The following ESRRG variants were observed in gnomAD, a reference collection of about 807,000 sequenced individuals.
ESRRG encodes the protein estrogen-related receptor gamma.
ESRRG carries 13 observed loss-of-function variants against 44.0 expected under a neutral mutation model. The ratio of observed to expected loss-of-function variants is 0.30; its 90% CI spans 0.19 to 0.47. The LOEUF is 0.47. ESRRG is among the 20% of genes least tolerant of loss of function. The pLI is 1.00. For synonymous variants in ESRRG, 215 were observed against 214.6 expected, an observed-to-expected ratio of 1.00 and a Z score of -0.02; for missense variants, 395 against 580.6, an observed-to-expected ratio of 0.68 and a Z score of 3.29.
intron 1 of ESRRG, among the ~76,000 whole-genome samples, chr1:217,014,223 G>A (rs1212366121): frequency 6.6e-6 from 1 of 152,078 alleles, no homozygotes. Context: ...GGTGTTTTCT[G>A]AAGCTGGATG....
chr1:217,094,077 G>A (rs980447523), upstream of ESRRG, among the ~76,000 whole-genome samples: 1 of 151,638 alleles, frequency 6.6e-6, no homozygotes, highest in Admixed American at 6.6e-5. Flanking sequence ...TAGAGATGAG[G>A]CCTCGCTATG....
At chr1:216,846,821 C>A (rs896061019) in intron 2 of ESRRG, among the ~76,000 whole-genome samples, 8 of 151,912 alleles carry the variant, frequency 5.3e-5, no homozygotes, top group African/African-American at 1.9e-4. Context: ...AAAGCTGAAC[C>A]TGAATCTTCG....
At chr1:217,036,727 C>T (rs776605104) in intron 1 of ESRRG, among the ~76,000 whole-genome samples, 1 of 151,714 alleles carries the variant, frequency 6.6e-6, no homozygotes, top group Non-Finnish European at 1.5e-5. Context: ...AGACTTAATA[C>T]CTGGGTGATG....
At chr1:217,001,166 T>C (rs2150649221) in intron 1 of ESRRG, among the ~76,000 whole-genome samples, 1 of 152,340 alleles carries the variant, frequency 6.6e-6, no homozygotes, top group South Asian at 2.1e-4. Context: ...TATCAACCTG[T>C]CTACTATAAT....
chr1:216,954,725 T>G (rs2067626577), intron 1 of ESRRG, among the ~76,000 whole-genome samples: 1 of 152,156 alleles, frequency 6.6e-6, no homozygotes, highest in African/African-American at 2.4e-5. Flanking sequence ...TGGTTCACGT[T>G]AATATATACG....
intron 2 of ESRRG, among the ~76,000 whole-genome samples, chr1:216,765,688 A>C (rs962529141): frequency 3.3e-5 from 5 of 152,138 alleles, no homozygotes; most frequent in African/African-American, 1.2e-4. Flanking sequence ...AACATGAAAC[A>C]TGATGGTGTA....
chr1:216,604,225 C>G (rs1291210824), intron 3 of ESRRG, among the ~76,000 whole-genome samples: 4 of 152,148 alleles, frequency 2.6e-5, no homozygotes, highest in African/African-American at 9.7e-5. Context: ...CTACAGGAAG[C>G]AACTACTGCC....
chr1:216,943,881 G>A (rs1266581775), intron 1 of ESRRG, among the ~76,000 whole-genome samples: 1 of 152,054 alleles, frequency 6.6e-6, no homozygotes, highest in Non-Finnish European at 1.5e-5. Context: ...ATTATCTTGG[G>A]CAGGCACAGG....
At chr1:216,602,832 AATTT>A (rs2059426546) in intron 3 of ESRRG, among the ~76,000 whole-genome samples, 2 of 152,252 alleles carry the variant, frequency 1.3e-5, no homozygotes, top group Non-Finnish European at 2.9e-5. Context: ...GCTATAAATT[AATTT>A]AGTCTTTAAA....
chr1:216,898,345 C>T (rs564391490), intron 2 of ESRRG, among the ~76,000 whole-genome samples: 11 of 152,234 alleles, frequency 7.2e-5, no homozygotes, highest in South Asian at 2.1e-4. Flanking sequence ...TGGCCAGGCA[C>T]GGTGGCTCAC....
chr1:216,961,210 A>ATT (rs2068979145), intron 1 of ESRRG, among the ~76,000 whole-genome samples: 1 of 152,212 alleles, frequency 6.6e-6, no homozygotes, highest in African/African-American at 2.4e-5. Flanking sequence ...ATAACTGATT[A>ATT]AACGTTAAAG....
intron 3 of ESRRG, among the ~76,000 whole-genome samples, chr1:216,641,417 T>A (rs1328421372): frequency 6.6e-6 from 1 of 152,234 alleles, no homozygotes; most frequent in Non-Finnish European, 1.5e-5. Flanking sequence ...CTTTAAAACA[T>A]TAGAACTTCA....
At chr1:216,870,703 T>C (rs2096248030) in intron 2 of ESRRG, among the ~76,000 whole-genome samples, 1 of 152,086 alleles carries the variant, frequency 6.6e-6, no homozygotes, top group Non-Finnish European at 1.5e-5. Flanking sequence ...GGTTTGCCTA[T>C]GTTATCTTGG....
At chr1:216,926,780 T>C (rs548615930) in intron 2 of ESRRG, among the ~76,000 whole-genome samples, 1 of 152,172 alleles carries the variant, frequency 6.6e-6, no homozygotes, top group Admixed American at 6.5e-5. Context: ...GCAGTGTAGG[T>C]GACAAAAAAG....
At chr1:217,069,252 C>T (rs745763941) in intron 1 of ESRRG, among the ~76,000 whole-genome samples, 4 of 152,108 alleles carry the variant, frequency 2.6e-5, no homozygotes, top group East Asian at 1.9e-4. Context: ...TTCCTGCCCT[C>T]GAACATCTGA....
intron 2 of ESRRG, among the ~76,000 whole-genome samples, chr1:216,887,188 C>G (rs1180787713): frequency 6.6e-6 from 1 of 152,184 alleles, no homozygotes; most frequent in African/African-American, 2.4e-5. Flanking sequence ...GTTTCCAACT[C>G]TGTTCTGGCC....
At chr1:216,881,511 A>G (rs1268423392) in intron 2 of ESRRG, among the ~76,000 whole-genome samples, 1 of 152,118 alleles carries the variant, frequency 6.6e-6, no homozygotes, top group Non-Finnish European at 1.5e-5. Flanking sequence ...TGGTGGGGAG[A>G]CAGGTCTGGT....
At chr1:216,792,489 C>CA (rs554625009) in intron 2 of ESRRG, among the ~76,000 whole-genome samples, 14 of 152,052 alleles carry the variant, frequency 9.2e-5, no homozygotes, top group Non-Finnish European at 1.8e-4. Flanking sequence ...AACAACTATT[C>CA]AGGGAAAAAG....
chr1:216,573,981 C>A (rs1051399567), intron 3 of ESRRG, among the ~76,000 whole-genome samples: 1 of 152,010 alleles, frequency 6.6e-6, no homozygotes, highest in Non-Finnish European at 1.5e-5. Context: ...CTAAAGGTGG[C>A]AAAGCCTGTC....
Sources: gnomAD v4.1 joint callset for allele counts (sites outside exome capture counted in the v4.1 genomes callset) on GRCh38, gnomAD v4.1.1 for gene constraint, MANE v1.5 for transcripts, NCBI Gene and HGNC (gene_info 2026-07-23, HGNC 2026-07-21) for gene names.